TJP1: variants seen among roughly 807,000 people sequenced by gnomAD.
TJP1 encodes tight junction protein 1, also known as tight junction protein ZO-1.
Under a neutral mutation model 194.2 loss-of-function variants are expected in TJP1, and 43 were observed. The observed-to-expected ratio is 0.22, with a 90% CI of 0.17 to 0.29. The LOEUF is 0.29. Among genes scored for constraint, TJP1 ranks in the 10% least tolerant of loss-of-function variants. TJP1 has a pLI of 1.00. For missense variants in TJP1, 1,971 were observed against 2,185.7 expected, an observed-to-expected ratio of 0.90 and a Z score of 1.96; for synonymous variants, 801 against 779.0, an observed-to-expected ratio of 1.03 and a Z score of -0.47.
intron 2 of TJP1, among the ~76,000 whole-genome samples, chr15:29,921,757 T>C (rs574250545): frequency 2.0e-5 from 3 of 152,340 alleles, no homozygotes; most frequent in Admixed American, 2.0e-4. Flanking sequence ...GAGAGAATGG[T>C]ATAATGAACC....
intron 4 of TJP1, among the ~76,000 whole-genome samples, chr15:29,769,715 G>A (rs1228509122): frequency 2.6e-5 from 4 of 152,088 alleles, no homozygotes; most frequent in East Asian, 1.9e-4. Flanking sequence ...TCATAATGTC[G>A]TGGGTGCACT....
At chr15:29,742,851 A>G (rs1056308727) in intron 8 of TJP1, 70 bp from the exon 9 acceptor site, 2 of 1,350,280 alleles carry the variant, frequency 1.5e-6, no homozygotes, top group South Asian at 2.3e-5. Context: ...AGAGAACAGT[A>G]TAAGAAGAGG....
chr15:29,811,858 AAATGAATGAATG>A (rs71103411), intron 1 of TJP1, among the ~76,000 whole-genome samples: 8 of 150,468 alleles, frequency 5.3e-5, no homozygotes, highest in Admixed American at 6.6e-5. Context: ...TCTCTGTCCA[AAATGAATGAATG>A]AATGAATGAA....
At chr15:29,824,117 A>AAAAAAAG, upstream of TJP1, 24 of 99,358 alleles carry the variant, frequency 2.4e-4, no homozygotes, top group East Asian at 7.0e-4. Context: ...AAAAAAAAAA[A>AAAAAAAG]TGGTGGCCAG....
intron 1 of TJP1, among the ~76,000 whole-genome samples, chr15:29,960,508 G>T (rs2056114985): frequency 6.6e-6 from 1 of 151,792 alleles, no homozygotes; most frequent in Non-Finnish European, 1.5e-5. Context: ...GATTGCACAT[G>T]CCTATGGGTC....
chr15:29,954,538 T>C (rs1175985015), intron 2 of TJP1, among the ~76,000 whole-genome samples: 1 of 152,226 alleles, frequency 6.6e-6, no homozygotes, highest in Non-Finnish European at 1.5e-5. Flanking sequence ...CACTTCATTT[T>C]GAAGTACATT....
In TJP1 at chr15:29,703,503, G is replaced by A. The variant is rs528624598; in HGVS notation, c.5212+659C>T. On this transcript the variant is annotated intron_variant, in intron 27 of 27. Transcript: ENST00000614355. ...ACAATAGTAACCAAAAATAGAAATA[G>A]TTATATAAAGGAACAAAGTCATTTT... is the stretch of plus-strand genomic sequence containing the variant. Among the ~76,000 whole-genome samples the A allele has an allele frequency of 3.9e-5, 6 of 152,088 alleles. No homozygotes were observed. The South Asian group carries it at 1.2e-3, about 32-fold the overall frequency.
chr15:29,811,795 T>C (rs528081814), intron 1 of TJP1, among the ~76,000 whole-genome samples: 1 of 152,232 alleles, frequency 6.6e-6, no homozygotes, highest in East Asian at 1.9e-4. Context: ...GAATCCTCCT[T>C]CTGAAACCAC....
intron 2 of TJP1, among the ~76,000 whole-genome samples, chr15:29,952,764 T>C (rs1042083264): frequency 2.0e-5 from 3 of 152,226 alleles, no homozygotes; most frequent in African/African-American, 7.2e-5. Flanking sequence ...TGTATTTACT[T>C]TGGCAGTCAT....
At chr15:29,715,250 C>A (rs150473050) in intron 23 of TJP1, among the ~76,000 whole-genome samples, 2 of 152,186 alleles carry the variant, frequency 1.3e-5, no homozygotes, top group South Asian at 4.1e-4. Flanking sequence ...TGCCACAACC[C>A]CTTTCTAGTG....
chr15:29,797,914 G>GAGC (rs2048521120), intron 2 of TJP1, among the ~76,000 whole-genome samples: 1 of 152,194 alleles, frequency 6.6e-6, no homozygotes, highest in Admixed American at 6.5e-5. Context: ...GACAACAAAT[G>GAGC]AGCACATCAA....
At chr15:29,934,653 A>G (rs1407002097) in intron 2 of TJP1, among the ~76,000 whole-genome samples, 1 of 152,240 alleles carries the variant, frequency 6.6e-6, no homozygotes, top group East Asian at 1.9e-4. Context: ...CTACTTCTTA[A>G]AAAGGGATCT....
chr15:29,934,709 T>C (rs2054827558), intron 2 of TJP1, among the ~76,000 whole-genome samples: 1 of 152,252 alleles, frequency 6.6e-6, no homozygotes, highest in Non-Finnish European at 1.5e-5. Flanking sequence ...TTACCTTCTA[T>C]GTGTATGCAT....
chr15:29,816,877 T>TAC (rs1375006088), intron 1 of TJP1, among the ~76,000 whole-genome samples: 1 of 152,092 alleles, frequency 6.6e-6, no homozygotes, highest in Non-Finnish European at 1.5e-5. Flanking sequence ...ACCTAGGCAA[T>TAC]ACCATTCAGG....
chr15:29,943,597 A>G (rs1237729055), intron 2 of TJP1, among the ~76,000 whole-genome samples: 1 of 131,086 alleles, frequency 7.6e-6, no homozygotes, highest in East Asian at 2.7e-4. Flanking sequence ...ACTGCATTCC[A>G]GCCCAGGCTG....
At chr15:29,942,359 C>T (rs920082674) in intron 2 of TJP1, among the ~76,000 whole-genome samples, 9 of 152,164 alleles carry the variant, frequency 5.9e-5, no homozygotes, top group African/African-American at 1.9e-4. Flanking sequence ...AGATGAAGGC[C>T]GGTACCACTC....
rs1259406417 is a variant in TJP1, at chr15:29,748,561, ATTCTTTTT to A, written c.1011-5788_1011-5781del. Among the ~76,000 whole-genome samples the A allele has an allele frequency of 1.6e-4, 17 of 104,562 alleles. No individual in the cohort carries two copies. In the East Asian group the frequency reaches 4.9e-3, roughly 30 times the overall value. 68.6% of individuals were successfully genotyped at this position (104,562 alleles called of 152,430 possible). ...ATCACATTTTTCCCAAACCTTCCTA[ATTCTTTTT>A]TTTTTTTTTTTTTTTTTTTTTTTGA... On this transcript the variant is annotated intron_variant, in intron 8 of 27. Coordinates refer to ENST00000614355, the MANE Select transcript of TJP1 (RefSeq NM_001330239.4).
chr15:29,809,354 T>C (rs1400594749), intron 1 of TJP1, among the ~76,000 whole-genome samples: 1 of 152,158 alleles, frequency 6.6e-6, no homozygotes, highest in Non-Finnish European at 1.5e-5. Flanking sequence ...ACCATTGTAA[T>C]CACCACAAGG....
intron 1 of TJP1, among the ~76,000 whole-genome samples, chr15:29,816,832 T>G (rs571912705): frequency 7.2e-5 from 11 of 152,288 alleles, no homozygotes; most frequent in African/African-American, 2.6e-4. Flanking sequence ...AAGACTTCAA[T>G]GTAAAACCCA....
Sources: gnomAD v4.1 joint callset for allele counts (sites outside exome capture counted in the v4.1 genomes callset) on GRCh38, gnomAD v4.1.1 for gene constraint, MANE v1.5 for transcripts, NCBI Gene and HGNC (gene_info 2026-07-23, HGNC 2026-07-21) for gene names.